The following PDLIM5 variants were observed in gnomAD, a reference collection of about 807,000 sequenced individuals.
PDLIM5 encodes the protein PDZ and LIM domain protein 5.
In PDLIM5, 34 loss-of-function variants were observed where a neutral mutation model predicts 64.2. The ratio of observed to expected loss-of-function variants is 0.53; its 90% CI spans 0.40 to 0.71. The LOEUF is 0.71. Ranked by LOEUF, PDLIM5 falls within the 30% of genes least tolerant of loss-of-function variation. The probability of loss-of-function intolerance (pLI) is 0.00; values close to 1 mark genes in which losing one functional copy is unlikely to be tolerated. For missense variants in PDLIM5, 683 were observed against 733.6 expected (o/e 0.93, Z 0.80); for synonymous variants, 253 against 269.1 (o/e 0.94, Z 0.59).
chr4:94,521,295 G>C (rs1189745376), intron 2 of PDLIM5, among the ~76,000 whole-genome samples: 2 of 152,138 alleles, frequency 1.3e-5, no homozygotes, highest in African/African-American at 4.8e-5. Flanking sequence ...CAAATATGGA[G>C]AATGTGAAGG....
intron 3 of PDLIM5, 72 bp downstream of exon 3, chr4:94,523,947 C>A: frequency 1.8e-6 from 2 of 1,092,356 alleles, no homozygotes; most frequent in South Asian, 1.5e-5. Flanking sequence ...GTCTGACTCA[C>A]GGTGTTAACT....
intron 7 of PDLIM5, among the ~76,000 whole-genome samples, chr4:94,599,416 G>A (rs556272358): frequency 2.2e-3 from 328 of 152,208 alleles, no homozygotes; most frequent in African/African-American, 7.1e-3. Flanking sequence ...ATTGGTCAGA[G>A]TCAATTTGGT....
intron 2 of PDLIM5, among the ~76,000 whole-genome samples, chr4:94,512,183 G>T (rs551809266): frequency 6.6e-6 from 1 of 151,962 alleles, no homozygotes; most frequent in Non-Finnish European, 1.5e-5. Context: ...ACCACACCCG[G>T]CTAATTTTTG....
Position 94,575,863 on chromosome 4 carries a change from A to G in PDLIM5, c.539A>G (p.His180Arg), listed in dbSNP as rs1735204575. The G allele has an allele frequency of 1.2e-6, 2 of 1,614,192 alleles. No individual in the cohort carries two copies. Among genetic ancestry groups the G allele is most frequent in the Admixed American group, 1.7e-5 (1 of 60,020 alleles). Residue 180 changes from histidine to arginine, a missense_variant, in exon 5 of 13, where the codon CAT (histidine) becomes CGT (arginine). Transcript: ENST00000317968. Reference protein sequence around the residue: ...TPPLFAASGLHANANLSADQS... With the variant: ...TPPLFAASGLRANANLSADQS... Reference sequence around the variant, plus strand: ...CCCCTGTTCGCTGCATCTGGACTGCATGCTAATGCCAATCTTAGTGCTGAC... The same window carrying G: ...CCCCTGTTCGCTGCATCTGGACTGCGTGCTAATGCCAATCTTAGTGCTGAC...
chr4:94,647,987 C>T (rs1741550641), intron 9 of PDLIM5, among the ~76,000 whole-genome samples: 1 of 152,104 alleles, frequency 6.6e-6, no homozygotes, highest in Middle Eastern at 3.4e-3. Context: ...ATGTAATATA[C>T]CAAAACTTAT....
chr4:94,487,964 C>T (rs1726505140), intron 2 of PDLIM5, among the ~76,000 whole-genome samples: 1 of 152,144 alleles, frequency 6.6e-6, no homozygotes, highest in African/African-American at 2.4e-5. Flanking sequence ...AAGCAGTACT[C>T]GTGATTTAAG....
At chr4:94,621,112 C>A (rs1006782618) in intron 8 of PDLIM5, among the ~76,000 whole-genome samples, 1 of 137,020 alleles carries the variant, frequency 7.3e-6, no homozygotes, top group Non-Finnish European at 1.6e-5. Flanking sequence ...AGAAGTATTT[C>A]TATTGTGTTG....
At chr4:94,654,011 C>T (rs1452018130) in intron 9 of PDLIM5, among the ~76,000 whole-genome samples, 1 of 152,102 alleles carries the variant, frequency 6.6e-6, no homozygotes, top group Non-Finnish European at 1.5e-5. Flanking sequence ...CTATTTTTAG[C>T]ACTATGACTT....
intron 3 of PDLIM5, among the ~76,000 whole-genome samples, chr4:94,536,529 GTATT>G (rs1199879582): frequency 6.6e-6 from 1 of 152,100 alleles, no homozygotes; most frequent in Non-Finnish European, 1.5e-5. Flanking sequence ...GAAACAATAT[GTATT>G]TATTTATTAC....
chr4:94,624,652 A>G (rs1031012561), intron 8 of PDLIM5, among the ~76,000 whole-genome samples: 1 of 152,240 alleles, frequency 6.6e-6, no homozygotes, highest in East Asian at 1.9e-4. Context: ...CTAAAACAAA[A>G]TAGCATGTAG....
chr4:94,504,309 G>A (rs1361281652), intron 2 of PDLIM5, among the ~76,000 whole-genome samples: 1 of 149,272 alleles, frequency 6.7e-6, no homozygotes, highest in Non-Finnish European at 1.5e-5. Flanking sequence ...TTTTTTTTGA[G>A]ACAGAGTGTC....
At chr4:94,653,719 A>G (rs1029310771) in intron 9 of PDLIM5, among the ~76,000 whole-genome samples, 2 of 152,218 alleles carry the variant, frequency 1.3e-5, no homozygotes, top group Non-Finnish European at 2.9e-5. Context: ...AATTAACAAT[A>G]CTACATTGTA....
intron 5 of PDLIM5, among the ~76,000 whole-genome samples, chr4:94,580,774 C>G (rs1233503631): frequency 6.6e-6 from 1 of 151,894 alleles, no homozygotes; most frequent in African/African-American, 2.4e-5. Flanking sequence ...AGATTTGAGC[C>G]TAGGTCTTTT....
intron 3 of PDLIM5, among the ~76,000 whole-genome samples, chr4:94,537,262 C>T (rs930351644): frequency 6.6e-6 from 1 of 152,078 alleles, no homozygotes; most frequent in Non-Finnish European, 1.5e-5. Context: ...TTTATCTTGG[C>T]TGTTCTGGCT....
At position 94,657,483 on chromosome 4, in the gene PDLIM5, C is replaced by A. The variant is rs766549570; in HGVS notation, c.1521C>A (p.Ala507=). Residue 507 remains alanine (A), a synonymous_variant, in exon 11 of 13, where the codon GCC becomes GCA. Coordinates refer to ENST00000317968, the MANE Select transcript of PDLIM5 (RefSeq NM_006457.5). ...TWHVSCFVCV[A]CGKPIRNNVF... The stretch of plus-strand genomic sequence containing the variant: ...ATGTTTCCTGTTTTGTGTGTGTAGC[C>A]TGTGGAAAGCCCATTCGGAACAATG... 2 of 1,606,954 alleles carry A rather than the reference C, an allele frequency of 1.2e-6. No homozygotes were observed. The highest frequency in any genetic ancestry group is 4.5e-5 in the East Asian group (2 of 44,826).
In PDLIM5 at chr4:94,664,004, G is replaced by A; in HGVS notation, c.1728G>A (p.Gln576=). ...CSVCCESLEG[Q]TFFSKKDKPL... ...TGTGTTGTGAAAGTTTGGAAGGTCA[G>A]ACCTTTTTCTCCAAGAAGGACAAGC... Residue 576 remains glutamine (Q), a synonymous_variant, in exon 13 of 13, where the codon CAG becomes CAA. Transcript: ENST00000317968. 6.2e-7 allele frequency: 1 copy of A among 1,607,532 alleles called. No individual in the cohort carries two copies. Among genetic ancestry groups the A allele is most frequent in the Non-Finnish European group, 8.5e-7 (1 of 1,175,500 alleles).
chr4:94,594,724 T>C (rs1179674657), intron 7 of PDLIM5, among the ~76,000 whole-genome samples: 2 of 152,138 alleles, frequency 1.3e-5, no homozygotes, highest in African/African-American at 2.4e-5. Context: ...TCAATCTTTG[T>C]AGTTTCAAAT....
At chr4:94,528,923 T>C (rs1207422092) in intron 3 of PDLIM5, among the ~76,000 whole-genome samples, 5 of 152,096 alleles carry the variant, frequency 3.3e-5, no homozygotes, top group African/African-American at 1.2e-4. Flanking sequence ...GGGAATTGCA[T>C]GAGTATCCAA....
intron 9 of PDLIM5, among the ~76,000 whole-genome samples, chr4:94,650,975 T>C (rs1228783698): frequency 6.6e-6 from 1 of 152,158 alleles, no homozygotes; most frequent in Non-Finnish European, 1.5e-5. Context: ...GGACATCGAA[T>C]ACTAGAAGAG....
Sources: allele counts gnomAD v4.1 joint callset (sites outside exome capture counted in the v4.1 genomes callset), GRCh38; gene constraint gnomAD v4.1.1; transcripts MANE v1.5; gene names NCBI Gene and HGNC (gene_info 2026-07-23, HGNC 2026-07-21).